CTNND2: variants seen among roughly 807,000 people sequenced by gnomAD.
CTNND2 encodes the protein catenin delta 2.
In CTNND2, 22 loss-of-function variants were observed where a neutral mutation model predicts 144.4. The ratio of observed to expected loss-of-function variants is 0.15; its 90% CI spans 0.11 to 0.22. The LOEUF is 0.22. CTNND2 is among the 10% of genes least tolerant of loss of function. CTNND2 has a pLI of 1.00. For synonymous variants in CTNND2, 751 were observed against 695.6 expected (o/e 1.08, Z -1.25); for missense variants, 1,353 against 1,618.8 (o/e 0.84, Z 2.82).
chr5:11,892,332 A>G (rs1476287890), intron 1 of CTNND2, among the ~76,000 whole-genome samples: 1 of 152,186 alleles, frequency 6.6e-6, no homozygotes, highest in South Asian at 2.1e-4. Flanking sequence ...TCAATGTACG[A>G]ACAGTCCTAC....
chr5:11,724,312 GA>G (rs1403739583), intron 2 of CTNND2, among the ~76,000 whole-genome samples: 4 of 152,106 alleles, frequency 2.6e-5, no homozygotes, highest in Admixed American at 2.0e-4. Context: ...CCAGTGGAGG[GA>G]TGAGGTGTTG....
chr5:11,716,265 A>G (rs939799561), intron 2 of CTNND2, among the ~76,000 whole-genome samples: 1 of 152,236 alleles, frequency 6.6e-6, no homozygotes, highest in African/African-American at 2.4e-5. Flanking sequence ...CCCAACAACA[A>G]GAAGAGTAGC....
chr5:11,783,031 A>G (rs1312436983), intron 1 of CTNND2, among the ~76,000 whole-genome samples: 1 of 152,156 alleles, frequency 6.6e-6, no homozygotes, highest in Non-Finnish European at 1.5e-5. Context: ...AAGCACATGC[A>G]TGACTAGAAC....
intron 1 of CTNND2, among the ~76,000 whole-genome samples, chr5:11,857,447 C>G (rs1795303069): frequency 6.6e-6 from 1 of 152,184 alleles, no homozygotes; most frequent in African/African-American, 2.4e-5. Flanking sequence ...TAAAGATGAG[C>G]TCCCTCCTGC....
intron 9 of CTNND2, among the ~76,000 whole-genome samples, chr5:11,250,512 T>TATATAC (rs1561094226): frequency 1.4e-5 from 1 of 72,428 alleles, no homozygotes; most frequent in East Asian, 3.9e-4. Flanking sequence ...TATATATATA[T>TATATAC]ACATATATTT....
intron 7 of CTNND2, among the ~76,000 whole-genome samples, chr5:11,375,392 T>C: frequency 6.6e-6 from 1 of 152,216 alleles, no homozygotes; most frequent in East Asian, 1.9e-4. Context: ...AACATTTTAT[T>C]AATTTTTATT....
At chr5:11,415,144 C>T (rs1472692129) in intron 3 of CTNND2, among the ~76,000 whole-genome samples, 1 of 152,152 alleles carries the variant, frequency 6.6e-6, no homozygotes, top group African/African-American at 2.4e-5. Context: ...CTGCTTTTAG[C>T]TCTTTGAGGA....
chr5:11,744,230 G>A (rs577192966), intron 1 of CTNND2, among the ~76,000 whole-genome samples: 45 of 152,178 alleles, frequency 3.0e-4, no homozygotes, highest in African/African-American at 1.1e-3. Flanking sequence ...TATTGAAAAG[G>A]TAGTGCTTTT....
rs544717175 is a variant in CTNND2 at position 11,417,306 on chromosome 5, T to C, written c.288-5237A>G. On this transcript the variant is annotated intron_variant, in intron 3 of 21. Transcript: ENST00000304623. ...AATGTGTGAACCACTATTCCAGTCA[T>C]ACATTTGGCTACATCAAAAGTAAAA... Among the ~76,000 whole-genome samples, 7 of 152,302 alleles carry C rather than the reference T, an allele frequency of 4.6e-5. No individual in the cohort carries two copies. In the South Asian group the frequency reaches 8.3e-4, roughly 18 times the overall value.
In CTNND2 at chr5:11,181,713, G is replaced by GGT. The variant is rs764261555; in HGVS notation, c.1975+17733_1975+17734dup. On this transcript the variant is annotated intron_variant, in intron 11 of 21. Transcript: ENST00000304623. ...TGGTGTGTGTGTGGTGTATGCGTGT[G>GGT]GTGTGTGTGTGTGTTATGTGTGGCA... 1.2e-4 allele frequency among the ~76,000 whole-genome samples: 18 copies of GGT among 150,074 alleles called. 1 individual carries two copies. Among genetic ancestry groups the GGT allele is most frequent in the South Asian group, 4.2e-4 (2 of 4,730 alleles).
intron 1 of CTNND2, among the ~76,000 whole-genome samples, chr5:11,832,955 C>G (rs1793985005): frequency 6.6e-6 from 1 of 151,246 alleles, no homozygotes. Flanking sequence ...TAAATAAACA[C>G]AGGAAAGAAA....
intron 1 of CTNND2, among the ~76,000 whole-genome samples, chr5:11,842,906 TG>T (rs1451269437): frequency 2.6e-5 from 4 of 152,340 alleles, no homozygotes; most frequent in African/African-American, 9.6e-5. Flanking sequence ...TTATTTCTCC[TG>T]GCAATGCCGC....
chr5:11,149,749 TA>T (rs1324643318), intron 12 of CTNND2, among the ~76,000 whole-genome samples: 2 of 152,170 alleles, frequency 1.3e-5, no homozygotes, highest in Non-Finnish European at 2.9e-5. Context: ...CCCAGGGTCC[TA>T]AAAAGCCAGT....
chr5:11,817,981 G>GTTTTTTTT (rs35360011), intron 1 of CTNND2, among the ~76,000 whole-genome samples: 4 of 31,866 alleles, frequency 1.3e-4, no homozygotes, highest in African/African-American at 2.5e-4. Flanking sequence ...ATTATGAGGT[G>GTTTTTTTT]TTTTTTTTTT....
chr5:11,635,827 G>T (rs1289646340), intron 2 of CTNND2, among the ~76,000 whole-genome samples: 1 of 152,028 alleles, frequency 6.6e-6, no homozygotes, highest in Non-Finnish European at 1.5e-5. Flanking sequence ...ACCTTTACGG[G>T]TTCTACTAGC....
chr5:11,106,050 T>A (rs1752395438), intron 14 of CTNND2, among the ~76,000 whole-genome samples: 1 of 152,102 alleles, frequency 6.6e-6, no homozygotes, highest in African/African-American at 2.4e-5. Context: ...CCTAGGAGCA[T>A]CCAAATGTCA....
chr5:11,189,769 T>G (rs1029020816), intron 11 of CTNND2, among the ~76,000 whole-genome samples: 2 of 152,154 alleles, frequency 1.3e-5, no homozygotes, highest in Non-Finnish European at 2.9e-5. Flanking sequence ...GGGTTAACTA[T>G]AGTAGGCACT....
chr5:11,577,416 C>A (rs548680633), intron 2 of CTNND2, among the ~76,000 whole-genome samples: 42 of 152,244 alleles, frequency 2.8e-4, no homozygotes, highest in African/African-American at 9.6e-4. Flanking sequence ...TAATGAGATG[C>A]AAATGAATTT....
At chr5:11,301,494 C>T (rs748709262) in intron 9 of CTNND2, among the ~76,000 whole-genome samples, 1 of 152,100 alleles carries the variant, frequency 6.6e-6, no homozygotes, top group Admixed American at 6.6e-5. Flanking sequence ...AGACTTAAGA[C>T]GAACAACCAC....
Sources: gnomAD v4.1 joint callset for allele counts (sites outside exome capture counted in the v4.1 genomes callset) on GRCh38, gnomAD v4.1.1 for gene constraint, MANE v1.5 for transcripts, NCBI Gene and HGNC (gene_info 2026-07-23, HGNC 2026-07-21) for gene names.